CSMD1: variants seen among roughly 807,000 people sequenced by gnomAD.
CSMD1 encodes the protein CUB and Sushi multiple domains 1.
Under a neutral mutation model 417.5 loss-of-function variants are expected in CSMD1, and 213 were observed. That is an observed-to-expected ratio of 0.51 (90% CI 0.46 to 0.57). CSMD1 has a LOEUF of 0.57. Among genes scored for constraint, CSMD1 ranks in the 20% least tolerant of loss-of-function variants. The pLI, the probability that CSMD1 is intolerant of heterozygous loss-of-function variation, is 0.00. For synonymous variants in CSMD1, 2,862 were observed against 1,736.8 expected, an observed-to-expected ratio of 1.65 and a Z score of -16.11; for missense variants, 6,923 against 4,529.7, an observed-to-expected ratio of 1.53 and a Z score of -15.17.
intron 5 of CSMD1, among the ~76,000 whole-genome samples, chr8:3,839,790 GA>G (rs1802997811): frequency 6.6e-6 from 1 of 151,640 alleles, no homozygotes; most frequent in African/African-American, 2.4e-5. Flanking sequence ...TGTTCCCAGA[GA>G]AGCTGGTGGC....
At chr8:3,214,804 C>G (rs962782545) in intron 29 of CSMD1, 113 bp from the exon 30 acceptor site, 1 of 610,882 alleles carries the variant, frequency 1.6e-6, no homozygotes, top group Non-Finnish European at 2.6e-6. Flanking sequence ...GAACAATGTC[C>G]TAAATAAGTA....
At chr8:3,155,207 G>A (rs1254008040) in intron 39 of CSMD1, among the ~76,000 whole-genome samples, 3 of 151,896 alleles carry the variant, frequency 2.0e-5, no homozygotes, top group Non-Finnish European at 4.4e-5. Context: ...TGATTTCATT[G>A]TGAAGTTTAA....
chr8:3,872,273 G>A (rs1021087867), intron 5 of CSMD1, among the ~76,000 whole-genome samples: 1 of 152,122 alleles, frequency 6.6e-6, no homozygotes, highest in Non-Finnish European at 1.5e-5. Flanking sequence ...TGAACTGAAC[G>A]TGTCAGGTTT....
At chr8:4,502,222 A>C (rs1563237277) in intron 2 of CSMD1, among the ~76,000 whole-genome samples, 1 of 152,168 alleles carries the variant, frequency 6.6e-6, no homozygotes, top group Non-Finnish European at 1.5e-5. Context: ...TTGCAGTAGA[A>C]TGAGCAGAAC....
At chr8:3,460,126 T>G (rs1474530964) in intron 12 of CSMD1, among the ~76,000 whole-genome samples, 1 of 152,022 alleles carries the variant, frequency 6.6e-6, no homozygotes, top group African/African-American at 2.4e-5. Flanking sequence ...TGGAGGCAGC[T>G]CAGGGTGGTA....
chr8:3,324,427 C>G (rs1434570149), intron 23 of CSMD1, among the ~76,000 whole-genome samples: 2 of 131,500 alleles, frequency 1.5e-5, no homozygotes, highest in Non-Finnish European at 3.2e-5. Context: ...TAGGCCCACA[C>G]CTAATCCTCA....
At chr8:3,444,994 G>C (rs147833764) in intron 12 of CSMD1, among the ~76,000 whole-genome samples, 20 of 152,202 alleles carry the variant, frequency 1.3e-4, no homozygotes, top group South Asian at 6.2e-4. Context: ...ACTCGAACCT[G>C]TCCAAGCCTC....
intron 33 of CSMD1, among the ~76,000 whole-genome samples, chr8:3,192,164 G>T (rs1045663763): frequency 6.6e-6 from 1 of 152,140 alleles, no homozygotes; most frequent in Non-Finnish European, 1.5e-5. Flanking sequence ...ATTAATAAAA[G>T]TGTCTACCTT....
intron 14 of CSMD1, among the ~76,000 whole-genome samples, chr8:3,406,517 G>C (rs188034292): frequency 5.3e-5 from 8 of 152,222 alleles, no homozygotes; most frequent in African/African-American, 1.9e-4. Flanking sequence ...TATGGTGGGT[G>C]GTAGAAAGTG....
chr8:4,832,860 G>A (rs1800235294), intron 1 of CSMD1, among the ~76,000 whole-genome samples: 3 of 152,052 alleles, frequency 2.0e-5, no homozygotes, highest in East Asian at 1.9e-4. Flanking sequence ...TGTGTGTGAG[G>A]GCGTATGAGA....
chr8:4,855,665 C>T lies in CSMD1; in HGVS notation c.85+138667G>A, dbSNP rs550597324. Among the ~76,000 whole-genome samples, 1,223 of 151,906 alleles carry T rather than the reference C, an allele frequency of 8.1e-3. 12 individuals are homozygous for T. Among genetic ancestry groups the T allele is most frequent in the African/African-American group, 0.027 (1,124 of 41,408 alleles). ...AATCAACTGGAAGATAGGGTATCAG[C>T]GATGGAAGATGAAATGAATGAAATG... On this transcript the variant is annotated intron_variant, in intron 1 of 69. Coordinates refer to ENST00000635120, the MANE Select transcript of CSMD1 (RefSeq NM_033225.6).
At chr8:3,323,853 A>G (rs868791345) in intron 23 of CSMD1, among the ~76,000 whole-genome samples, 1 of 146,012 alleles carries the variant, frequency 6.8e-6, no homozygotes, top group Middle Eastern at 3.7e-3. Context: ...AAACAGACAC[A>G]CATCTAACAC....
intron 2 of CSMD1, among the ~76,000 whole-genome samples, chr8:4,622,299 G>A (rs1801828256): frequency 6.6e-6 from 1 of 152,064 alleles, no homozygotes; most frequent in Non-Finnish European, 1.5e-5. Flanking sequence ...TGGCTGAGGA[G>A]GGAGGATTTA....
At chr8:4,251,154 T>C (rs565711576) in intron 3 of CSMD1, among the ~76,000 whole-genome samples, 3 of 152,256 alleles carry the variant, frequency 2.0e-5, no homozygotes, top group African/African-American at 7.2e-5. Context: ...TATAAAGGTA[T>C]ACAAGGCCAA....
chr8:4,655,460 T>C lies in CSMD1; in HGVS notation c.86-17902A>G, dbSNP rs950427959. Among the ~76,000 whole-genome samples the C allele has an allele frequency of 4.6e-5, 7 of 152,118 alleles. 1 individual carries two copies. The highest frequency in any genetic ancestry group is 1.5e-4 in the African/African-American group (6 of 41,368). On this transcript the variant is annotated intron_variant, in intron 1 of 69. Transcript: ENST00000635120. Reference sequence around the variant, plus strand: ...GAAATGTGAAGTTACAGACATGGATTCTGGCTTATTTTTTGGAAATAAAGT... The same window carrying C: ...GAAATGTGAAGTTACAGACATGGATCCTGGCTTATTTTTTGGAAATAAAGT...
chr8:4,985,185 G>C (rs1263594412), intron 1 of CSMD1, among the ~76,000 whole-genome samples: 1 of 152,052 alleles, frequency 6.6e-6, no homozygotes, highest in African/African-American at 2.4e-5. Flanking sequence ...ACATAGAAGG[G>C]AACAACACAC....
chr8:3,172,924 G>A (rs552643355), intron 37 of CSMD1, among the ~76,000 whole-genome samples: 13 of 152,264 alleles, frequency 8.5e-5, no homozygotes, highest in African/African-American at 2.9e-4. Flanking sequence ...AGGTCAGCTT[G>A]GAAGTACGTG....
In CSMD1 at chr8:3,848,197, G is replaced by A. The variant is rs530127760; in HGVS notation, c.819-94155C>T. ...TTTTACAGGCAAAAGCCAATGTCAGGAACAATCAGAAGTTGTCAGGACATT... is the reference window on the plus strand; with the variant it reads ...TTTTACAGGCAAAAGCCAATGTCAGAAACAATCAGAAGTTGTCAGGACATT... On this transcript the variant is annotated intron_variant, in intron 5 of 69. Transcript: ENST00000635120. Among the ~76,000 whole-genome samples the A allele has an allele frequency of 2.5e-4, 38 of 152,168 alleles. 1 individual carries two copies. In the South Asian group the frequency reaches 3.9e-3, roughly 16 times the overall value.
At chr8:4,198,753 G>C (rs1369136399) in intron 3 of CSMD1, among the ~76,000 whole-genome samples, 2 of 151,906 alleles carry the variant, frequency 1.3e-5, no homozygotes, top group Non-Finnish European at 2.9e-5. Context: ...TACTTTCTAT[G>C]TGAATTTTGA....
Sources: allele counts gnomAD v4.1 joint callset (sites outside exome capture counted in the v4.1 genomes callset), GRCh38; gene constraint gnomAD v4.1.1; transcripts MANE v1.5; gene names NCBI Gene and HGNC (gene_info 2026-07-23, HGNC 2026-07-21).